Variants in CMSS1 observed in about 807,000 individuals in gnomAD.
CMSS1 encodes protein CMSS1.
A neutral mutation model predicts 43.5 loss-of-function variants in CMSS1; 33 were observed. The ratio of observed to expected loss-of-function variants is 0.76; its 90% CI spans 0.57 to 1.01. CMSS1 has a LOEUF of 1.01. Ranked by LOEUF, CMSS1 falls within the 50% of genes least tolerant of loss-of-function variation. The pLI, the probability that CMSS1 is intolerant of heterozygous loss-of-function variation, is 0.00. For synonymous variants in CMSS1, 115 were observed against 117.2 expected (o/e 0.98, Z 0.12); for missense variants, 313 against 326.4 (o/e 0.96, Z 0.32).
intron 1 of CMSS1, among the ~76,000 whole-genome samples, chr3:99,958,865 T>A (rs1466675514): frequency 6.6e-6 from 1 of 152,160 alleles, no homozygotes; most frequent in Non-Finnish European, 1.5e-5. Context: ...TCTTAAAGAA[T>A]TTTGGCTTTA....
intron 1 of CMSS1, chr3:100,075,554 C>G (rs2065836552): frequency 6.6e-6 from 1 of 150,684 alleles, no homozygotes; most frequent in Non-Finnish European, 1.5e-5. Flanking sequence ...TTTGTCTTCT[C>G]TTTTCTTTTT....
At chr3:100,039,263 T>A (rs936555351) in intron 1 of CMSS1, among the ~76,000 whole-genome samples, 1 of 152,216 alleles carries the variant, frequency 6.6e-6, no homozygotes, top group Non-Finnish European at 1.5e-5. Context: ...CTCAAAAAAC[T>A]GAGCAACCTT....
chr3:100,075,254 A>T (rs751580137), intron 1 of CMSS1, among the ~76,000 whole-genome samples: 2 of 152,192 alleles, frequency 1.3e-5, no homozygotes, highest in African/African-American at 4.8e-5. Flanking sequence ...TTACCTTTCA[A>T]ATAATGGACT....
At chr3:99,829,820 A>C (rs1942615287) in intron 1 of CMSS1, among the ~76,000 whole-genome samples, 1 of 152,202 alleles carries the variant, frequency 6.6e-6, no homozygotes, top group Non-Finnish European at 1.5e-5. Context: ...AGTGATTGTC[A>C]GGTATTCTGC....
intron 1 of CMSS1, among the ~76,000 whole-genome samples, chr3:100,045,106 G>A (rs992057235): frequency 9.9e-5 from 15 of 152,210 alleles, no homozygotes; most frequent in African/African-American, 2.9e-4. Flanking sequence ...CAGATCTGGC[G>A]CTCACAAGAG....
chr3:100,128,898 C>A (rs1008329077), intron 1 of CMSS1, among the ~76,000 whole-genome samples: 5 of 152,180 alleles, frequency 3.3e-5, no homozygotes, highest in African/African-American at 1.2e-4. Context: ...TCCGTTCTCT[C>A]TTGTTGATGG....
Position 100,178,056 on chromosome 3 carries a change from T to C in CMSS1, c.757-249T>C, listed in dbSNP as rs144714231. ...ATCACTTGAACCTGGGAAGCAGAGA[T>C]AGCAGTTAGCCGAGATCACGCCACT... On this transcript the variant is annotated intron_variant, in intron 9 of 9. Transcript: ENST00000421999. 4.9e-3 allele frequency among the ~76,000 whole-genome samples: 740 copies of C among 152,246 alleles called. 2 individuals are homozygous for C. Among genetic ancestry groups the C allele is most frequent in the Non-Finnish European group, 6.7e-3 (454 of 68,010 alleles).
At chr3:100,091,284 C>CA (rs570908389) in intron 1 of CMSS1, among the ~76,000 whole-genome samples, 976 of 57,876 alleles carry the variant, frequency 0.017, 11 homozygotes, top group Middle Eastern at 0.02. Flanking sequence ...GACTCCGTCT[C>CA]AAAAAAAAAA....
In CMSS1 at chr3:99,836,184, G is replaced by C. The variant is rs558796393; in HGVS notation, c.64+18141G>C. ...AGTGTAGTAGATTAACTATCTTACA[G>C]TACCATCTGTCCTAAATTCTGGGCT... On this transcript the variant is annotated intron_variant, in intron 1 of 9. Transcript: ENST00000421999. Among the ~76,000 whole-genome samples, 4 of 152,254 alleles carry C rather than the reference G, an allele frequency of 2.6e-5. No homozygotes were observed. In the South Asian group the frequency reaches 8.3e-4, roughly 32 times the overall value.
At chr3:100,115,618 TC>T in intron 1 of CMSS1, among the ~76,000 whole-genome samples, 1 of 137,254 alleles carries the variant, frequency 7.3e-6, no homozygotes, top group African/African-American at 2.8e-5. Context: ...TCTCTCTCTC[TC>T]TCTCTCTCTG....
chr3:100,063,736 A>G lies in CMSS1; in HGVS notation c.65-83237A>G, dbSNP rs183912909. The stretch of plus-strand genomic sequence containing the variant: ...TCTAGTTTGCAAGGTTGCAAGAAAA[A>G]AAGTCAACCTGAATAAAATTTCATA... On this transcript the variant is annotated intron_variant, in intron 1 of 9. Transcript: ENST00000421999. Among the ~76,000 whole-genome samples, 603 of 152,332 alleles carry G rather than the reference A, an allele frequency of 4.0e-3. 4 individuals carry two copies. The highest frequency in any genetic ancestry group is 0.013 in the African/African-American group (560 of 41,578).
intron 1 of CMSS1, among the ~76,000 whole-genome samples, chr3:100,136,844 G>T (rs764215115): frequency 8.5e-5 from 13 of 152,220 alleles, no homozygotes; most frequent in Admixed American, 2.6e-4. Context: ...TAGCTTATCT[G>T]TAGTAATTAT....
chr3:99,822,198 A>C (rs985498926), intron 1 of CMSS1, among the ~76,000 whole-genome samples: 2 of 152,214 alleles, frequency 1.3e-5, no homozygotes, highest in Non-Finnish European at 2.9e-5. Context: ...CTGGAGCCCC[A>C]GGGCCAGATC....
chr3:100,068,007 C>T (rs986980075), intron 1 of CMSS1, among the ~76,000 whole-genome samples: 1 of 152,140 alleles, frequency 6.6e-6, no homozygotes, highest in African/African-American at 2.4e-5. Flanking sequence ...TTTTAAGTGC[C>T]TCCACAGCAT....
chr3:100,149,627 G>A (rs2066885085), intron 2 of CMSS1, among the ~76,000 whole-genome samples: 1 of 151,888 alleles, frequency 6.6e-6, no homozygotes, highest in South Asian at 2.1e-4. Flanking sequence ...ATTTTTTTCT[G>A]AATTGACATG....
chr3:100,054,730 C>G (rs1300816171), intron 1 of CMSS1, among the ~76,000 whole-genome samples: 2 of 152,090 alleles, frequency 1.3e-5, no homozygotes, highest in East Asian at 3.9e-4. Flanking sequence ...TTTAGCAGTT[C>G]CCACCAATAC....
chr3:99,846,134 G>A (rs996942109), intron 1 of CMSS1, among the ~76,000 whole-genome samples: 4 of 152,178 alleles, frequency 2.6e-5, no homozygotes, highest in Non-Finnish European at 5.9e-5. Flanking sequence ...AGTGTGCCAA[G>A]AATGGATTTC....
intron 1 of CMSS1, among the ~76,000 whole-genome samples, chr3:100,012,309 A>G (rs189358105): frequency 5.5e-4 from 84 of 152,334 alleles, no homozygotes; most frequent in Non-Finnish European, 1.0e-3. Flanking sequence ...TGAGATGTAT[A>G]AAAATAATTT....
intron 1 of CMSS1, among the ~76,000 whole-genome samples, chr3:99,957,656 G>GTTAC (rs1708360842): frequency 1.7e-5 from 2 of 118,356 alleles, no homozygotes; most frequent in Non-Finnish European, 3.4e-5. Context: ...CTAATCAGTA[G>GTTAC]TTACTTGGCA....
Sources: allele counts gnomAD v4.1 joint callset (sites outside exome capture counted in the v4.1 genomes callset), GRCh38; gene constraint gnomAD v4.1.1; transcripts MANE v1.5; gene names NCBI Gene and HGNC (gene_info 2026-07-23, HGNC 2026-07-21).